The following PLEKHG1 variants were observed in gnomAD, a reference collection of about 807,000 sequenced individuals.
The protein encoded by PLEKHG1 is pleckstrin homology and RhoGEF domain containing G1.
In PLEKHG1, 44 loss-of-function variants were observed where a neutral mutation model predicts 100.8. The ratio of observed to expected loss-of-function variants is 0.44; its 90% CI spans 0.34 to 0.56. PLEKHG1 has a LOEUF of 0.56. PLEKHG1 is among the 20% of genes least tolerant of loss of function. The pLI is 0.01. For synonymous variants in PLEKHG1, 640 were observed against 662.5 expected (o/e 0.97, Z 0.52); for missense variants, 1,545 against 1,720.9 (o/e 0.90, Z 1.81).
Position 150,738,961 on chromosome 6 carries a change from A to G in PLEKHG1, c.411+4869A>G, listed in dbSNP as rs550408951. On this transcript the variant is annotated intron_variant, in intron 2 of 15. Transcript: ENST00000358517. Reference sequence around the variant, plus strand: ...ATAGAAATCCATAGTTGGAAAGCAGAAAATAAGGGTTTGTTTAATGTTTAA... The same window carrying G: ...ATAGAAATCCATAGTTGGAAAGCAGGAAATAAGGGTTTGTTTAATGTTTAA... 2.6e-5 allele frequency among the ~76,000 whole-genome samples: 4 copies of G among 152,324 alleles called. No homozygotes were observed. In the East Asian group the frequency reaches 7.7e-4, roughly 29 times the overall value.
Position 150,635,203 on chromosome 6 carries a change from C to T in PLEKHG1, c.-203-2877C>T, listed in dbSNP as rs374953052. 2.7e-3 allele frequency among the ~76,000 whole-genome samples: 416 copies of T among 152,262 alleles called. 2 individuals carry two copies. The highest frequency in any genetic ancestry group is 9.8e-3 in the African/African-American group (406 of 41,542). Reference sequence around the variant, plus strand: ...ACATTCCAATTAGCCTCCTGGCAAGCAAGTAAATTGCAGCTTTCACAGACT... The same window carrying T: ...ACATTCCAATTAGCCTCCTGGCAAGTAAGTAAATTGCAGCTTTCACAGACT... On this transcript the variant is annotated intron_variant, in intron 1 of 3. Transcript: ENST00000367326.
chr6:150,675,448 T>G (rs992490116), intron 3 of PLEKHG1, among the ~76,000 whole-genome samples: 3 of 152,254 alleles, frequency 2.0e-5, no homozygotes, highest in African/African-American at 7.2e-5. Context: ...TCTCACGCTT[T>G]CTGGATTAGT....
chr6:150,783,371 TC>T (rs1464742570), intron 3 of PLEKHG1, among the ~76,000 whole-genome samples: 1 of 151,108 alleles, frequency 6.6e-6, no homozygotes, highest in African/African-American at 2.4e-5. Flanking sequence ...CAGAGATTCT[TC>T]TTTTTTTTTT....
At chr6:150,693,360 G>T (rs1001329302) in intron 3 of PLEKHG1, among the ~76,000 whole-genome samples, 5 of 152,124 alleles carry the variant, frequency 3.3e-5, no homozygotes, top group Admixed American at 1.3e-4. Flanking sequence ...CCTGGAAGTC[G>T]CTTCTCAACT....
chr6:150,718,851 T>A (rs74295836), upstream of PLEKHG1, among the ~76,000 whole-genome samples: 301 of 151,792 alleles, frequency 2.0e-3, 11 homozygotes, highest in East Asian at 0.046. Context: ...TTGGTTAATT[T>A]ATTCAAGCAA....
intron 1 of PLEKHG1, among the ~76,000 whole-genome samples, chr6:150,632,683 T>C (rs1463395642): frequency 6.6e-6 from 1 of 152,232 alleles, no homozygotes; most frequent in Non-Finnish European, 1.5e-5. Context: ...TTCACAAACA[T>C]CTATTCTTAC....
chr6:150,780,144 T>TTC (rs1785229345), intron 3 of PLEKHG1, among the ~76,000 whole-genome samples: 1 of 150,482 alleles, frequency 6.6e-6, no homozygotes, highest in African/African-American at 2.5e-5. Flanking sequence ...TTAATTTTTT[T>TTC]TTTTTTTTTG....
chr6:150,749,239 T>A (rs908861839), intron 2 of PLEKHG1, among the ~76,000 whole-genome samples: 5 of 152,246 alleles, frequency 3.3e-5, no homozygotes, highest in African/African-American at 9.6e-5. Context: ...TCCTCAAACA[T>A]ACTTGTCAAT....
At position 150,800,723 on chromosome 6, in the gene PLEKHG1, G is replaced by A. The variant is rs145017897; in HGVS notation, c.634G>A (p.Val212Met). The A allele has an allele frequency of 6.9e-5, 111 of 1,613,634 alleles. No homozygotes were observed. Among genetic ancestry groups the A allele is most frequent in the Middle Eastern group, 1.7e-4 (1 of 6,058 alleles). The change falls in exon 6 of 16, where the codon GTG (valine) becomes ATG (methionine). Residue 212 changes from valine (V) to methionine (M), a missense_variant. Physicochemically the swap from Val to Met is conservative, Grantham distance 21. Transcript: ENST00000358517. ...AAACATGGACTCTTCCTGCAGGTCCGTGGCTGTGCTAACAGAGTGTATGAG... is the reference window on the plus strand; with the variant it reads ...AAACATGGACTCTTCCTGCAGGTCCATGGCTGTGCTAACAGAGTGTATGAG...
At chr6:150,787,049 AAAG>A (rs1174090961) in intron 4 of PLEKHG1, among the ~76,000 whole-genome samples, 1 of 151,288 alleles carries the variant, frequency 6.6e-6, no homozygotes, top group Admixed American at 6.6e-5. Flanking sequence ...AAAAAAAAAA[AAAG>A]AAGATGAATG....
intron 1 of PLEKHG1, among the ~76,000 whole-genome samples, chr6:150,612,011 A>G (rs1228453466): frequency 3.7e-5 from 5 of 133,640 alleles, no homozygotes; most frequent in East Asian, 4.3e-4. Flanking sequence ...CATAATCTCT[A>G]TTTCCAGACC....
intron 14 of PLEKHG1, among the ~76,000 whole-genome samples, chr6:150,825,164 G>A (rs528102506): frequency 6.6e-6 from 1 of 152,264 alleles, no homozygotes; most frequent in South Asian, 2.1e-4. Context: ...CAAACCTTAT[G>A]AAATAAAAAG....
At chr6:150,730,030 A>G (rs763534267) in intron 1 of PLEKHG1, among the ~76,000 whole-genome samples, 29 of 152,174 alleles carry the variant, frequency 1.9e-4, no homozygotes, top group Non-Finnish European at 3.4e-4. Flanking sequence ...ATATAAAGTG[A>G]AAGTAAGTAG....
intron 1 of PLEKHG1, among the ~76,000 whole-genome samples, chr6:150,722,343 T>G (rs1349481107): frequency 7.2e-6 from 1 of 139,730 alleles, no homozygotes; most frequent in African/African-American, 2.6e-5. Context: ...TTTTTCTTTT[T>G]CTTTTCTTTT....
chr6:150,830,483 C>T, intron 14 of PLEKHG1, 99 bp from the exon 16 acceptor site: 3 of 816,900 alleles, frequency 3.7e-6, no homozygotes, highest in Non-Finnish European at 5.8e-6. Context: ...ATATTAAAGC[C>T]TAGTGGGGGA....
chr6:150,600,070 G>A lies in PLEKHG1; in HGVS notation c.-204+53G>A. On this transcript the variant is annotated intron_variant, in intron 1 of 3. Coordinates refer to the PLEKHG1 transcript ENST00000367326. The surrounding 1 kb of genome is among the most constrained non-coding windows in gnomAD (Gnocchi z 6.2). Reference sequence around the variant, plus strand: ...TGGGGACTTTTCCAGGGATGGGAGGGGGGACCCGGGGACCTCCGGCGGGAG... The same window carrying A: ...TGGGGACTTTTCCAGGGATGGGAGGAGGGACCCGGGGACCTCCGGCGGGAG... 5.4e-6 allele frequency: 1 copy of A among 183,512 alleles called. No individual in the cohort carries two copies. The highest frequency in any genetic ancestry group is 1.2e-5 in the Non-Finnish European group (1 of 83,992). 11.4% of individuals were successfully genotyped at this position (183,512 alleles called of 1,614,324 possible).
intron 3 of PLEKHG1, among the ~76,000 whole-genome samples, chr6:150,704,879 T>G (rs1048290943): frequency 6.6e-6 from 1 of 152,230 alleles, no homozygotes; most frequent in Non-Finnish European, 1.5e-5. Flanking sequence ...TCTGGCTGTA[T>G]TCTCACATAG....
chr6:150,645,299 A>G (rs1317867260), intron 2 of PLEKHG1, among the ~76,000 whole-genome samples: 4 of 152,232 alleles, frequency 2.6e-5, no homozygotes, highest in Admixed American at 1.3e-4. Flanking sequence ...GCCTCACACC[A>G]TATACAGTCA....
At position 150,743,693 on chromosome 6, in the gene PLEKHG1, A is replaced by G. The variant is rs138067314; in HGVS notation, c.411+9601A>G. ...CTACTGTTCCTCTCTCCCTTCTTCT[A>G]TGTCTCCACCCCTATTCCCTACCCT... On this transcript the variant is annotated intron_variant, in intron 2 of 15. Coordinates refer to ENST00000358517, the Ensembl canonical transcript of PLEKHG1. Among the ~76,000 whole-genome samples, 36 of 152,160 alleles carry G rather than the reference A, an allele frequency of 2.4e-4. 1 individual carries two copies. The highest frequency in any genetic ancestry group is 7.7e-4 in the East Asian group (4 of 5,178).
Sources: allele counts gnomAD v4.1 joint callset (sites outside exome capture counted in the v4.1 genomes callset), GRCh38; gene constraint gnomAD v4.1.1; non-coding constraint Gnocchi (gnomAD v3.1); transcripts MANE v1.5; gene names NCBI Gene and HGNC (gene_info 2026-07-23, HGNC 2026-07-21).